Variants in DNAH14 observed in about 807,000 individuals in gnomAD.
DNAH14 encodes dynein axonemal heavy chain 14, also known as axonemal beta dynein heavy chain 14.
DNAH14 carries 478 observed loss-of-function variants against 520.9 expected under a neutral mutation model. The ratio of observed to expected loss-of-function variants is 0.92; its 90% CI spans 0.85 to 0.99. The LOEUF is 0.99. DNAH14 is among the 50% of genes least tolerant of loss of function. The pLI, the probability that DNAH14 is intolerant of heterozygous loss-of-function variation, is 0.00. For synonymous variants in DNAH14, 1,581 were observed against 1,757.2 expected (o/e 0.90, Z 2.51); for missense variants, 4,831 against 5,234.5 (o/e 0.92, Z 2.38).
intron 35 of DNAH14, among the ~76,000 whole-genome samples, chr1:225,163,528 CT>C (rs1355110470): frequency 2.6e-5 from 4 of 152,136 alleles, no homozygotes; most frequent in African/African-American, 9.7e-5. Context: ...AGATATGTTC[CT>C]TCTATACACA....
In DNAH14 at chr1:225,351,604, A is replaced by AG. The variant is rs572648978; in HGVS notation, c.11297-41dup. 1,475 of 1,394,778 alleles carry AG rather than the reference A, an allele frequency of 1.1e-3. 1 individual carries two copies. Among genetic ancestry groups the AG allele is most frequent in the Admixed American group, 1.9e-3 (73 of 38,396 alleles). The allele number at this position is 1,394,778 out of a possible 1,614,324, so 86.4% of individuals were successfully genotyped here. A position where few individuals can be genotyped will look rare whatever the true frequency, so the allele number is the denominator to read the frequency against. On this transcript the variant is annotated intron_variant, in intron 71 of 85. Transcript: ENST00000682510. The stretch of plus-strand genomic sequence containing the variant: ...TTTGTAATGAATAACTAAAAGGTAA[A>AG]GGTTTATCTCTTCTAATGTGATCAT...
rs1466837374 is a variant in DNAH14, at chr1:225,232,481, T to C, written c.6518+1330T>C. Among the ~76,000 whole-genome samples, 1 of 152,164 alleles carries C rather than the reference T, an allele frequency of 6.6e-6. No homozygotes were observed. Among genetic ancestry groups the C allele is most frequent in the Non-Finnish European group, 1.5e-5 (1 of 68,036 alleles). On this transcript the variant is annotated intron_variant, in intron 42 of 85. Transcript: ENST00000682510. The surrounding 1 kb of genome is among the most constrained non-coding windows in gnomAD (Gnocchi z 4.2). ...TTTGTAGTGATTTAAGACTTCCCAT[T>C]ACTCTCAAAGTGGAAGAAAAAAAAT...
intron 38 of DNAH14, among the ~76,000 whole-genome samples, chr1:225,202,531 C>T (rs12410126): frequency 0.13 from 19,442 of 152,174 alleles, 1,403 homozygotes; most frequent in East Asian, 0.31. Flanking sequence ...GCTAGTCTCA[C>T]TCCCACTGTG....
intron 27 of DNAH14, among the ~76,000 whole-genome samples, chr1:225,129,513 G>A (rs1031684748): frequency 9.2e-5 from 14 of 151,828 alleles, no homozygotes; most frequent in South Asian, 4.2e-4. Flanking sequence ...AAATAATGCC[G>A]CATATCTACA....
At chr1:225,324,436 C>G (rs1268619241) in intron 63 of DNAH14, 83 bp downstream of exon 63, 6 of 1,488,294 alleles carry the variant, frequency 4.0e-6, no homozygotes, top group Non-Finnish European at 5.4e-6. Flanking sequence ...TACCAATACT[C>G]AAATGAACTT....
intron 30 of DNAH14, 95 bp from the exon 31 acceptor site, chr1:225,147,009 G>T (rs2080010599): frequency 3.0e-6 from 3 of 997,446 alleles, no homozygotes; most frequent in Non-Finnish European, 2.8e-6. Context: ...GCTTGGTTTG[G>T]GTAGCATGGG....
In DNAH14 at chr1:225,349,116, A is replaced by G. The variant is rs894051790; in HGVS notation, c.11296+2462A>G. On this transcript the variant is annotated intron_variant, in intron 71 of 85. Transcript: ENST00000682510. Reference sequence around the variant, plus strand: ...CTCCCAAGTAGCTGGGACTGCAGGCACATGCCACCATACCCAGCTAATTTT... The same window carrying G: ...CTCCCAAGTAGCTGGGACTGCAGGCGCATGCCACCATACCCAGCTAATTTT... Among the ~76,000 whole-genome samples the G allele has an allele frequency of 2.0e-5, 3 of 152,260 alleles. No individual in the cohort carries two copies. In the South Asian group the frequency reaches 6.2e-4, roughly 32 times the overall value.
chr1:225,322,085 C>CTTTTTTTTTTTTTTT (rs3047035), intron 61 of DNAH14, among the ~76,000 whole-genome samples: 113 of 90,164 alleles, frequency 1.3e-3, no homozygotes, highest in African/African-American at 1.8e-3. Flanking sequence ...TTTTTTCTTT[C>CTTTTTTTTTTTTTTT]TTTTTTTTTT....
At chr1:225,241,455 T>C (rs1213151659) in intron 43 of DNAH14, among the ~76,000 whole-genome samples, 1 of 152,198 alleles carries the variant, frequency 6.6e-6, no homozygotes, top group Non-Finnish European at 1.5e-5. Context: ...TCCTACTGAT[T>C]TGTCTGATGT....
chr1:225,373,233 G>A (rs1397045152), intron 77 of DNAH14, among the ~76,000 whole-genome samples: 3 of 151,996 alleles, frequency 2.0e-5, no homozygotes, highest in South Asian at 4.1e-4. Context: ...GGCGCGGTGG[G>A]TAATCCCAGC....
chr1:225,076,291 G>A (rs2072268488), intron 17 of DNAH14, among the ~76,000 whole-genome samples: 1 of 152,178 alleles, frequency 6.6e-6, no homozygotes, highest in Non-Finnish European at 1.5e-5. Context: ...GGCTCAATCT[G>A]TGAGGACCAG....
intron 8 of DNAH14, among the ~76,000 whole-genome samples, chr1:224,985,224 C>T (rs139048508): frequency 6.6e-6 from 1 of 152,242 alleles, no homozygotes; most frequent in African/African-American, 2.4e-5. Flanking sequence ...CCCAAATGCC[C>T]ATCAAACAAT....
Position 225,100,792 on chromosome 1 carries a change from C to G in DNAH14, c.3775C>G (p.Gln1259Glu). 4 of 1,538,948 alleles carry G rather than the reference C, an allele frequency of 2.6e-6. No individual in the cohort carries two copies. The highest frequency in any genetic ancestry group is 3.5e-6 in the Non-Finnish European group (4 of 1,143,028). Residue 1259 changes from glutamine to glutamate, a missense_variant, in exon 23 of 86, where the codon CAG becomes GAG. Physicochemically the swap from Gln to Glu is conservative, Grantham distance 29. Transcript: ENST00000682510. The part of the protein sequence containing the change: ...KKIMSKIQNK[Q>E]NALQITTSAG... ...AATAATGTCAAAAATACAAAACAAA[C>G]AGAATGCTTTGCAGATAACCACTTC... is the stretch of plus-strand genomic sequence containing the variant.
chr1:225,289,958 G>C lies in DNAH14; in HGVS notation c.8345G>C (p.Arg2782Pro). The C allele has an allele frequency of 6.5e-7, 1 of 1,538,486 alleles. No individual in the cohort carries two copies. The highest frequency in any genetic ancestry group is 8.8e-7 in the Non-Finnish European group (1 of 1,140,218). The change falls in exon 55 of 86, where the codon CGA (arginine) becomes CCA (proline). Residue 2782 changes from arginine (R) to proline (P), a missense_variant. Coordinates refer to ENST00000682510, the MANE Select transcript of DNAH14 (RefSeq NM_001367479.1). ...TATTTGACAGATAATAAACTATACC[G>C]AGTGCCTATATCTCACAAATGTGCC... The part of the protein sequence containing the change: ...ACYLTDNKLY[R>P]VPISHKCAYI...
intron 72 of DNAH14, among the ~76,000 whole-genome samples, chr1:225,352,703 A>G (rs917389430): frequency 6.6e-6 from 1 of 152,036 alleles, no homozygotes; most frequent in Non-Finnish European, 1.5e-5. Flanking sequence ...TATTATATGT[A>G]TTAACATCTA....
chr1:224,960,385 A>G, intron 4 of DNAH14, 83 bp downstream of exon 4: 1 of 1,344,254 alleles, frequency 7.4e-7, no homozygotes, highest in Non-Finnish European at 9.7e-7. Context: ...TATATTGGAC[A>G]CTGACTTTAG....
chr1:225,327,230 T>C (rs2094693609), intron 64 of DNAH14, among the ~76,000 whole-genome samples: 2 of 151,800 alleles, frequency 1.3e-5, no homozygotes, highest in African/African-American at 2.4e-5. Context: ...CGATCTCGGC[T>C]CACTGCAAGC....
chr1:225,098,922 A>G (rs1409152585), intron 22 of DNAH14, among the ~76,000 whole-genome samples: 3 of 152,200 alleles, frequency 2.0e-5, no homozygotes, highest in Admixed American at 6.5e-5. Context: ...AAGTGGGTCT[A>G]TAGTGGATCT....
intron 36 of DNAH14, among the ~76,000 whole-genome samples, chr1:225,173,006 G>A (rs1244350921): frequency 6.6e-6 from 1 of 152,134 alleles, no homozygotes; most frequent in African/African-American, 2.4e-5. Flanking sequence ...CAAGAAATGG[G>A]GAAAGGATTC....
Sources: gnomAD v4.1 joint callset for allele counts (sites outside exome capture counted in the v4.1 genomes callset) on GRCh38, gnomAD v4.1.1 for gene constraint, Gnocchi (gnomAD v3.1) non-coding constraint, MANE v1.5 for transcripts, NCBI Gene and HGNC (gene_info 2026-07-23, HGNC 2026-07-21) for gene names.